Variants in CDH4 observed in about 807,000 individuals in gnomAD.
CDH4 encodes cadherin-4.
CDH4 carries 33 observed loss-of-function variants against 86.0 expected under a neutral mutation model. That is an observed-to-expected ratio of 0.38 (90% confidence interval 0.29 to 0.51). CDH4 has a LOEUF of 0.51. Among genes scored for constraint, CDH4 ranks in the 20% least tolerant of loss-of-function variants. The pLI, the probability that CDH4 is intolerant of heterozygous loss-of-function variation, is 0.86. For missense variants in CDH4, 1,114 were observed against 1,307.4 expected (o/e 0.85, Z 2.28); for synonymous variants, 555 against 549.4 (o/e 1.01, Z -0.14).
Position 61,924,346 on chromosome 20 carries a change from G to C in CDH4, c.1641G>C (p.Leu547=), listed in dbSNP as rs537279749. ...FMQQAVRYSK[L]SDPASWLHIN... Reference sequence around the variant, plus strand: ...GTGGTCTCCGCAGATACTCAAAGCTGTCAGACCCAGCGAGCTGGCTGCACA... The same window carrying C: ...GTGGTCTCCGCAGATACTCAAAGCTCTCAGACCCAGCGAGCTGGCTGCACA... The change falls in exon 11 of 16, where the codon CTG becomes CTC. Residue 547 remains leucine (L), a synonymous_variant. Coordinates refer to ENST00000614565, the MANE Select transcript of CDH4 (RefSeq NM_001794.5). 1 of 1,612,754 alleles carries C rather than the reference G, an allele frequency of 6.2e-7. No homozygotes were observed. Among genetic ancestry groups the C allele is most frequent in the Non-Finnish European group, 8.5e-7 (1 of 1,179,812 alleles).
intron 9 of CDH4, among the ~76,000 whole-genome samples, chr20:61,913,434 A>G (rs1260937756): frequency 6.6e-6 from 1 of 152,212 alleles, no homozygotes; most frequent in Non-Finnish European, 1.5e-5. Flanking sequence ...ACTTCAGGGA[A>G]GCGCCAGTGT....
intron 2 of CDH4, among the ~76,000 whole-genome samples, chr20:61,468,661 G>A (rs1318285620): frequency 1.3e-5 from 2 of 151,850 alleles, no homozygotes; most frequent in African/African-American, 2.4e-5. Flanking sequence ...CTACTTTTTT[G>A]TACCCATTAA....
chr20:61,721,387 G>C (rs1260652312), intron 2 of CDH4, among the ~76,000 whole-genome samples: 1 of 152,204 alleles, frequency 6.6e-6, no homozygotes, highest in Non-Finnish European at 1.5e-5. Context: ...CCCCGGCCTG[G>C]AGGATGGACA....
intron 4 of CDH4, among the ~76,000 whole-genome samples, chr20:61,818,984 G>A (rs1434786804): frequency 6.6e-6 from 1 of 152,248 alleles, no homozygotes; most frequent in African/African-American, 2.4e-5. Flanking sequence ...TGAGCCCTTG[G>A]AACTGTCGGG....
At chr20:61,823,657 C>T (rs371600478) in intron 4 of CDH4, among the ~76,000 whole-genome samples, 7 of 152,198 alleles carry the variant, frequency 4.6e-5, no homozygotes, top group African/African-American at 1.7e-4. Flanking sequence ...TATCCCAAAC[C>T]CATGCTTATG....
rs2088794421 is a variant in CDH4, at chr20:61,773,032, G to A, written c.426G>A (p.Leu142=). 5.6e-6 allele frequency: 9 copies of A among 1,613,164 alleles called. No homozygotes were observed. The highest frequency in any genetic ancestry group is 7.6e-6 in the Non-Finnish European group (9 of 1,179,538). The change falls in exon 4 of 16, where the codon CTG becomes CTA. Residue 142 remains leucine (L), a synonymous_variant. Coordinates refer to ENST00000614565, the MANE Select transcript of CDH4 (RefSeq NM_001794.5). ...AGAAAGGAAAGAAGGTCGTGGCTCT[G>A]GACCCCTCTCCGCCTCCGAAGGACA... ...KPQKGKKVVA[L]DPSPPPKDTL...
chr20:61,278,963 A>G (rs1454653803), intron 2 of CDH4, among the ~76,000 whole-genome samples: 1 of 152,218 alleles, frequency 6.6e-6, no homozygotes, highest in East Asian at 1.9e-4. Flanking sequence ...GTTCATTATG[A>G]GCAGCTGAAA....
chr20:61,256,086 A>G (rs2084096436), intron 2 of CDH4, among the ~76,000 whole-genome samples: 1 of 152,124 alleles, frequency 6.6e-6, no homozygotes. Context: ...TTCAAGAGCT[A>G]CTCTGTTAAT....
intron 8 of CDH4, among the ~76,000 whole-genome samples, chr20:61,906,845 G>A (rs2054794974): frequency 6.6e-6 from 1 of 152,146 alleles, no homozygotes; most frequent in Non-Finnish European, 1.5e-5. Context: ...GTGGGGCCTG[G>A]CCAGAGCAGC....
intron 14 of CDH4, 64 bp from the exon 15 acceptor site, chr20:61,933,992 A>C: frequency 6.4e-7 from 1 of 1,574,534 alleles, no homozygotes; most frequent in South Asian, 1.1e-5. Flanking sequence ...AAAAGGATGC[A>C]GGGTGGAAGG....
chr20:61,450,072 G>A (rs77401584), intron 2 of CDH4, among the ~76,000 whole-genome samples: 2,754 of 152,320 alleles, frequency 0.018, 43 homozygotes, highest in African/African-American at 0.038. Context: ...AAACTTGAGG[G>A]TATGTTAATT....
Position 61,708,359 on chromosome 20 carries a change from T to C in CDH4, c.170-35204T>C, listed in dbSNP as rs1193214442. Reference sequence around the variant, plus strand: ...TGGTCCCCTCTGCCTCCTAACTGGGTTGGGGCACCACCCTCCACTCTCCAC... The same window carrying C: ...TGGTCCCCTCTGCCTCCTAACTGGGCTGGGGCACCACCCTCCACTCTCCAC... On this transcript the variant is annotated intron_variant, in intron 2 of 15. Coordinates refer to ENST00000614565, the MANE Select transcript of CDH4 (RefSeq NM_001794.5). This position sits in a 1 kb window ranked among gnomAD's most constrained non-coding sequence, Gnocchi z 4.5. Among the ~76,000 whole-genome samples the C allele has an allele frequency of 6.8e-6, 1 of 146,226 alleles. No homozygotes were observed. The highest frequency in any genetic ancestry group is 2.2e-4 in the East Asian group (1 of 4,618).
At chr20:61,505,926 A>C (rs1289956098) in intron 2 of CDH4, among the ~76,000 whole-genome samples, 1 of 143,130 alleles carries the variant, frequency 7.0e-6, no homozygotes, top group African/African-American at 2.4e-5. Context: ...TGTGTTGAGA[A>C]AGGAACTCAG....
At chr20:61,410,592 C>T (rs2085113128) in intron 2 of CDH4, among the ~76,000 whole-genome samples, 1 of 151,222 alleles carries the variant, frequency 6.6e-6, no homozygotes, top group Non-Finnish European at 1.5e-5. Flanking sequence ...ATCTGTCAAT[C>T]ATCCATCTAC....
At chr20:61,803,461 G>C (rs73305821) in intron 4 of CDH4, among the ~76,000 whole-genome samples, 1,526 of 152,326 alleles carry the variant, frequency 0.01, 23 homozygotes, top group African/African-American at 0.031. Flanking sequence ...AATATGAAAT[G>C]GTAACTTGAT....
intron 2 of CDH4, among the ~76,000 whole-genome samples, chr20:61,334,506 G>C (rs1360344000): frequency 3.9e-5 from 6 of 152,302 alleles, no homozygotes; most frequent in South Asian, 2.1e-4. Context: ...TGGAGGCCGG[G>C]GGGGCTGGGA....
At chr20:61,561,072 G>A (rs1208635472) in intron 2 of CDH4, among the ~76,000 whole-genome samples, 1 of 152,230 alleles carries the variant, frequency 6.6e-6, no homozygotes, top group Admixed American at 6.5e-5. Flanking sequence ...AGGTGCCCGA[G>A]CACTCCAGGA....
intron 4 of CDH4, among the ~76,000 whole-genome samples, chr20:61,840,352 C>A (rs980064766): frequency 1.3e-5 from 2 of 152,196 alleles, no homozygotes; most frequent in Non-Finnish European, 2.9e-5. Flanking sequence ...TCCAAAGTGT[C>A]TGCGATTCAA....
Position 61,933,042 on chromosome 20 carries a change from A to G in CDH4, c.2297A>G (p.Lys766Arg), listed in dbSNP as rs1281587625. ...MKRREKERHT[K>R]QLLIDPEDDV... The stretch of plus-strand genomic sequence containing the variant: ...CGGCGAGAGAAGGAGCGCCACACGA[A>G]GCAGCTGCTCATTGACCCCGAGGAC... The change falls in exon 14 of 16, where the codon AAG becomes AGG. Residue 766 changes from lysine to arginine, a missense_variant. Physicochemically the swap from Lys to Arg is conservative, Grantham distance 26. Coordinates refer to ENST00000614565, the MANE Select transcript of CDH4 (RefSeq NM_001794.5). The G allele has an allele frequency of 6.2e-7, 1 of 1,613,324 alleles. No homozygotes were observed. Among genetic ancestry groups the G allele is most frequent in the South Asian group, 1.1e-5 (1 of 91,090 alleles).
Sources: allele counts gnomAD v4.1 joint callset (sites outside exome capture counted in the v4.1 genomes callset), GRCh38; gene constraint gnomAD v4.1.1; non-coding constraint Gnocchi (gnomAD v3.1); transcripts MANE v1.5; gene names NCBI Gene and HGNC (gene_info 2026-07-23, HGNC 2026-07-21).